The following CLYBL variants were observed in gnomAD, a reference collection of about 807,000 sequenced individuals.
CLYBL encodes citramalyl-CoA lyase, also known as citramalyl-CoA lyase, mitochondrial.
In CLYBL, 31 loss-of-function variants were observed where a neutral mutation model predicts 38.9. That is an observed-to-expected ratio of 0.80 (90% CI 0.60 to 1.08). The LOEUF is 1.08. Among genes scored for constraint, CLYBL ranks in the 50% least tolerant of loss-of-function variants. The pLI, the probability that CLYBL is intolerant of heterozygous loss-of-function variation, is 0.00. For synonymous variants in CLYBL, 171 were observed against 158.6 expected (o/e 1.08, Z -0.59); for missense variants, 434 against 411.6 (o/e 1.05, Z -0.47).
chr13:99,784,608 C>T (rs1432303147), intron 2 of CLYBL, among the ~76,000 whole-genome samples: 1 of 151,846 alleles, frequency 6.6e-6, no homozygotes, highest in Non-Finnish European at 1.5e-5. Flanking sequence ...GTGCCCACCA[C>T]CAGGCCCAGC....
intron 7 of CLYBL, among the ~76,000 whole-genome samples, chr13:99,875,727 C>G (rs1238153771): frequency 6.6e-6 from 1 of 152,200 alleles, no homozygotes; most frequent in Non-Finnish European, 1.5e-5. Context: ...TCCTCCCACA[C>G]CCATCCAGCC....
At chr13:99,772,725 C>T (rs1041064216) in intron 1 of CLYBL, 99 bp from the exon 2 acceptor site, 16 of 968,098 alleles carry the variant, frequency 1.7e-5, no homozygotes, top group Non-Finnish European at 2.3e-5. Context: ...AAAGATTATC[C>T]ATGTGTTCTA....
intron 1 of CLYBL, among the ~76,000 whole-genome samples, chr13:99,669,848 T>C (rs1173846187): frequency 6.6e-6 from 1 of 152,206 alleles, no homozygotes; most frequent in Non-Finnish European, 1.5e-5. Flanking sequence ...ATTCTATTGT[T>C]TTAGCAAGGG....
At chr13:99,801,254 T>C (rs1391720455) in intron 2 of CLYBL, among the ~76,000 whole-genome samples, 1 of 152,238 alleles carries the variant, frequency 6.6e-6, no homozygotes, top group Non-Finnish European at 1.5e-5. Flanking sequence ...GCTTAATGTT[T>C]TCCCTTTTCC....
rs573781424 is a variant in CLYBL at position 99,744,035 on chromosome 13, C to T, written c.63-28789C>T. ...TCACCCAGGCTGGAATGCGGTGGCG[C>T]GATATCAGCTCACTGCAAGCTCCGC... On this transcript the variant is annotated intron_variant, in intron 1 of 8. Transcript: ENST00000339105. 4.3e-5 allele frequency among the ~76,000 whole-genome samples: 6 copies of T among 139,872 alleles called. No homozygotes were observed. In the South Asian group the frequency reaches 1.3e-3, roughly 31 times the overall value. The allele number at this position is 139,872 out of a possible 152,430, so 91.8% of individuals were successfully genotyped here. A position where few individuals can be genotyped will look rare whatever the true frequency, so the allele number is the denominator to read the frequency against.
At chr13:99,839,586 TGTGTGTGTGTGACACACCATTGG>T (rs2051019603) in intron 2 of CLYBL, among the ~76,000 whole-genome samples, 1 of 151,876 alleles carries the variant, frequency 6.6e-6, no homozygotes, top group Non-Finnish European at 1.5e-5. Context: ...TAATGCTTCG[TGTGTGTGTGTGACACACCATTGG>T]GTGTGTGTAT....
At chr13:99,834,998 C>T (rs927922807) in intron 2 of CLYBL, among the ~76,000 whole-genome samples, 4 of 152,218 alleles carry the variant, frequency 2.6e-5, no homozygotes, top group Non-Finnish European at 4.4e-5. Flanking sequence ...GAACACACCT[C>T]CCTCTTCCTA....
chr13:99,648,966 A>C (rs1411329885), intron 1 of CLYBL, among the ~76,000 whole-genome samples: 2 of 151,974 alleles, frequency 1.3e-5, no homozygotes, highest in African/African-American at 2.4e-5. Context: ...TTCTTAAAAA[A>C]CTTAATAATT....
intron 1 of CLYBL, among the ~76,000 whole-genome samples, chr13:99,649,470 C>T (rs1195330360): frequency 6.6e-6 from 1 of 152,110 alleles, no homozygotes; most frequent in East Asian, 1.9e-4. Flanking sequence ...AGTAGGTGTA[C>T]CTTTGCAATG....
intron 1 of CLYBL, among the ~76,000 whole-genome samples, chr13:99,707,911 T>C (rs1313307500): frequency 6.6e-6 from 1 of 152,224 alleles, no homozygotes; most frequent in Non-Finnish European, 1.5e-5. Context: ...ACAACTGATA[T>C]GCTTTCAGCC....
chr13:99,861,738 T>C (rs2051608809), intron 3 of CLYBL, among the ~76,000 whole-genome samples: 2 of 152,136 alleles, frequency 1.3e-5, no homozygotes, highest in South Asian at 4.1e-4. Flanking sequence ...ATTGTAAAGT[T>C]ACTGCAAATT....
In CLYBL at chr13:99,791,361, A is replaced by T. The variant is rs33920280; in HGVS notation, c.249+18351A>T. On this transcript the variant is annotated intron_variant, in intron 2 of 8. Transcript: ENST00000339105. ...ATGCTACATAAATAGTGTCTTTTTT[A>T]AAAAAAAAACAAACAAAAAACAGCG... Among the ~76,000 whole-genome samples, 30 of 47,954 alleles carry T rather than the reference A, an allele frequency of 6.3e-4. 1 individual carries two copies. In the East Asian group the frequency reaches 6.3e-3, roughly 10 times the overall value. 31.5% of individuals were successfully genotyped at this position (47,954 alleles called of 152,430 possible). A position where few individuals can be genotyped will look rare whatever the true frequency, so the allele number is the denominator to read the frequency against.
At position 99,740,814 on chromosome 13, in the gene CLYBL, A is replaced by G. The variant is rs142105907; in HGVS notation, c.63-32010A>G. 1.4e-4 allele frequency among the ~76,000 whole-genome samples: 22 copies of G among 152,254 alleles called. No individual in the cohort carries two copies. The East Asian group carries it at 4.3e-3, about 29-fold the overall frequency. ...GACCTGGCAGCATTTAACGGCGTGCACACAGCTGGATCAATGGCAGGAATT... is the reference window on the plus strand; with the variant it reads ...GACCTGGCAGCATTTAACGGCGTGCGCACAGCTGGATCAATGGCAGGAATT... On this transcript the variant is annotated intron_variant, in intron 1 of 8. Transcript: ENST00000339105.
Position 99,669,216 on chromosome 13 carries a change from A to G in CLYBL, c.62+62459A>G, listed in dbSNP as rs574336915. 4.6e-5 allele frequency among the ~76,000 whole-genome samples: 7 copies of G among 152,084 alleles called. No individual in the cohort carries two copies. The East Asian group carries it at 7.8e-4, about 17-fold the overall frequency. On this transcript the variant is annotated intron_variant, in intron 1 of 8. Transcript: ENST00000339105. ...AAGGGATTTTACCACGTTGACCAGG[A>G]TGCTCTCGAGCTCTCAACCTCATGA... is the stretch of plus-strand genomic sequence containing the variant.
intron 1 of CLYBL, among the ~76,000 whole-genome samples, chr13:99,771,492 A>T (rs2049394437): frequency 1.3e-5 from 2 of 152,222 alleles, no homozygotes; most frequent in Non-Finnish European, 2.9e-5. Context: ...TTAATAAATT[A>T]TAAACAAAGA....
At chr13:99,750,329 A>C (rs1259326195) in intron 1 of CLYBL, among the ~76,000 whole-genome samples, 4 of 152,160 alleles carry the variant, frequency 2.6e-5, no homozygotes, top group Non-Finnish European at 4.4e-5. Context: ...CAGCCCTTAG[A>C]GTCAAAATCT....
At chr13:99,609,169 GTTTTTTTTTTTTTT>G (rs58873910) in intron 1 of CLYBL, among the ~76,000 whole-genome samples, 4 of 45,780 alleles carry the variant, frequency 8.7e-5, no homozygotes, top group Non-Finnish European at 1.1e-4. Flanking sequence ...ACCTGTCTTT[GTTTTTTTTTTTTTT>G]TTTTTTTTTT....
At chr13:99,773,105 C>A (rs1199123643) in intron 2 of CLYBL, 95 bp downstream of exon 2, 2 of 1,025,080 alleles carry the variant, frequency 2.0e-6, no homozygotes, top group East Asian at 2.5e-5. Flanking sequence ...AAGATTCTAC[C>A]ACACTCATCT....
intron 2 of CLYBL, among the ~76,000 whole-genome samples, chr13:99,841,097 A>C (rs568297720): frequency 6.6e-6 from 1 of 152,254 alleles, no homozygotes; most frequent in Admixed American, 6.5e-5. Flanking sequence ...TTCCGGACTT[A>C]AGGTTTCTAA....
Sources: gnomAD v4.1 joint callset for allele counts (sites outside exome capture counted in the v4.1 genomes callset) on GRCh38, gnomAD v4.1.1 for gene constraint, MANE v1.5 for transcripts, NCBI Gene and HGNC (gene_info 2026-07-23, HGNC 2026-07-21) for gene names.